CDH4: variants seen among roughly 807,000 people sequenced by gnomAD.
The protein encoded by CDH4 is cadherin 4, also known as cadherin-4.
Under a neutral mutation model 86.0 loss-of-function variants are expected in CDH4, and 33 were observed. The ratio of observed to expected loss-of-function variants is 0.38; its 90% CI spans 0.29 to 0.51. The LOEUF is 0.51. CDH4 is among the 20% of genes least tolerant of loss of function. CDH4 has a pLI of 0.86. For synonymous variants in CDH4, 555 were observed against 549.4 expected (o/e 1.01, Z -0.14); for missense variants, 1,114 against 1,307.4 (o/e 0.85, Z 2.28).
In CDH4 at chr20:61,582,637, GA is replaced by G. The variant is rs1298876226; in HGVS notation, c.170-160925del. Among the ~76,000 whole-genome samples, 1 of 152,168 alleles carries G rather than the reference GA, an allele frequency of 6.6e-6. No individual in the cohort carries two copies. Among genetic ancestry groups the G allele is most frequent in the Non-Finnish European group, 1.5e-5 (1 of 68,038 alleles). On this transcript the variant is annotated intron_variant, in intron 2 of 15. Transcript: ENST00000614565. The surrounding 1 kb of genome is among the most constrained non-coding windows in gnomAD (Gnocchi z 4.2). ...GTCCCCTGCAGGGCCTGGTGCGGTG[GA>G]GCCCAGGCAGTGCTCCCTGCACCTG...
At chr20:61,358,845 T>G (rs187603896) in intron 2 of CDH4, among the ~76,000 whole-genome samples, 2 of 152,148 alleles carry the variant, frequency 1.3e-5, no homozygotes, top group South Asian at 4.1e-4. Flanking sequence ...CGGAAACCGT[T>G]CCCTCTACAG....
chr20:61,587,434 A>G (rs1417064035), intron 2 of CDH4, among the ~76,000 whole-genome samples: 1 of 152,118 alleles, frequency 6.6e-6, no homozygotes, highest in African/African-American at 2.4e-5. Context: ...TTAGTTTCCA[A>G]ATCAGTTTGA....
At position 61,501,181 on chromosome 20, in the gene CDH4, C is replaced by G. The variant is rs977371946; in HGVS notation, c.170-242382C>G. 6.6e-6 allele frequency among the ~76,000 whole-genome samples: 1 copy of G among 152,196 alleles called. No individual in the cohort carries two copies. Among genetic ancestry groups the G allele is most frequent in the African/African-American group, 2.4e-5 (1 of 41,442 alleles). On this transcript the variant is annotated intron_variant, in intron 2 of 15. Coordinates refer to ENST00000614565, the MANE Select transcript of CDH4 (RefSeq NM_001794.5). This position sits in a 1 kb window ranked among gnomAD's most constrained non-coding sequence, Gnocchi z 4.2. Reference sequence around the variant, plus strand: ...TGCTCTGAGCTACAATAGACTCAGGCTGGGGGAGGTGGCGCTGCCATCCGC... The same window carrying G: ...TGCTCTGAGCTACAATAGACTCAGGGTGGGGGAGGTGGCGCTGCCATCCGC...
intron 2 of CDH4, among the ~76,000 whole-genome samples, chr20:61,598,590 C>G (rs1285233767): frequency 6.6e-6 from 1 of 152,188 alleles, no homozygotes; most frequent in South Asian, 2.1e-4. Context: ...TACCCCTTTC[C>G]AGAATCGCGT....
intron 2 of CDH4, among the ~76,000 whole-genome samples, chr20:61,621,136 G>A (rs937271102): frequency 3.9e-5 from 6 of 152,234 alleles, no homozygotes; most frequent in African/African-American, 1.4e-4. Context: ...TCAAAGGTGA[G>A]CATTGTGAAC....
chr20:61,266,960 C>T (rs555473225), intron 2 of CDH4, among the ~76,000 whole-genome samples: 2 of 152,264 alleles, frequency 1.3e-5, no homozygotes, highest in African/African-American at 4.8e-5. Flanking sequence ...ACTGTCTTGA[C>T]AAGAGACAGA....
At chr20:61,615,193 C>T (rs374525858) in intron 2 of CDH4, among the ~76,000 whole-genome samples, 2 of 151,928 alleles carry the variant, frequency 1.3e-5, no homozygotes, top group East Asian at 3.9e-4. Context: ...ATAATCTCAG[C>T]TCACTGCAGC....
chr20:61,274,924 G>GTA (rs2084218445), intron 2 of CDH4, among the ~76,000 whole-genome samples: 1 of 148,138 alleles, frequency 6.8e-6, no homozygotes, highest in Admixed American at 6.7e-5. Flanking sequence ...GGGGAGTACT[G>GTA]TGCACAGTTT....
At chr20:61,910,043 A>G (rs1293970586) in intron 8 of CDH4, among the ~76,000 whole-genome samples, 2 of 152,146 alleles carry the variant, frequency 1.3e-5, no homozygotes, top group Admixed American at 1.3e-4. Context: ...TGAGGCGTGC[A>G]CTCCCGTGCA....
chr20:61,439,613 C>A (rs2085304080), intron 2 of CDH4, among the ~76,000 whole-genome samples: 1 of 152,224 alleles, frequency 6.6e-6, no homozygotes, highest in Non-Finnish European at 1.5e-5. Flanking sequence ...CAAGAGTCCT[C>A]TGTGGAAACC....
rs146930068 is a variant in CDH4, at chr20:61,649,913, G to A, written c.170-93650G>A. 1.1e-3 allele frequency among the ~76,000 whole-genome samples: 171 copies of A among 152,282 alleles called. 2 individuals carry two copies. Among genetic ancestry groups the A allele is most frequent in the African/African-American group, 3.4e-3 (143 of 41,568 alleles). ...CCTCCAGGACGCTGAGCTATGGCCC[G>A]GCTCCAGGCATTGTGGCCTGGGATC... On this transcript the variant is annotated intron_variant, in intron 2 of 15. Coordinates refer to ENST00000614565, the MANE Select transcript of CDH4 (RefSeq NM_001794.5).
In CDH4 at chr20:61,517,253, C is replaced by T. The variant is rs558138441; in HGVS notation, c.170-226310C>T. ...TGTTGCCCAGGCTGGAAGGCAGTGG[C>T]GCAGTCACAACCCACGGCAGCCGCC... On this transcript the variant is annotated intron_variant, in intron 2 of 15. Coordinates refer to ENST00000614565, the MANE Select transcript of CDH4 (RefSeq NM_001794.5). This position sits in a 1 kb window ranked among gnomAD's most constrained non-coding sequence, Gnocchi z 6.6. Among the ~76,000 whole-genome samples the T allele has an allele frequency of 1.2e-4, 18 of 152,182 alleles. No homozygotes were observed. Among genetic ancestry groups the T allele is most frequent in the Non-Finnish European group, 2.2e-4 (15 of 68,030 alleles).
intron 2 of CDH4, among the ~76,000 whole-genome samples, chr20:61,678,044 A>G (rs772993079): frequency 3.9e-5 from 6 of 152,220 alleles, no homozygotes; most frequent in Non-Finnish European, 7.3e-5. Context: ...AGATAGATGG[A>G]TGATGGATGG....
intron 2 of CDH4, among the ~76,000 whole-genome samples, chr20:61,439,921 T>C (rs140848203): frequency 2.0e-4 from 30 of 152,336 alleles, no homozygotes; most frequent in Non-Finnish European, 3.4e-4. Context: ...CACTCCTAAA[T>C]TGAATTCCCA....
At chr20:61,688,038 C>T (rs752386832) in intron 2 of CDH4, among the ~76,000 whole-genome samples, 14 of 152,040 alleles carry the variant, frequency 9.2e-5, no homozygotes, top group Non-Finnish European at 1.5e-4. Flanking sequence ...AGATGAGCAA[C>T]CCTAGGCTGG....
intron 2 of CDH4, among the ~76,000 whole-genome samples, chr20:61,534,185 A>G (rs2085976713): frequency 6.6e-6 from 1 of 152,228 alleles, no homozygotes. Context: ...TGCATTATGT[A>G]AAATTCTATT....
intron 2 of CDH4, among the ~76,000 whole-genome samples, chr20:61,415,070 T>C (rs1195147124): frequency 6.6e-6 from 1 of 152,216 alleles, no homozygotes; most frequent in Non-Finnish European, 1.5e-5. Flanking sequence ...CCCACATTCG[T>C]CAAACTGCCA....
At chr20:61,532,814 G>A (rs1275433742) in intron 2 of CDH4, among the ~76,000 whole-genome samples, 6 of 152,126 alleles carry the variant, frequency 3.9e-5, no homozygotes, top group Non-Finnish European at 7.3e-5. Context: ...TCTGTGTCCC[G>A]TAACCAGTTC....
At chr20:61,645,153 C>A (rs1316770799) in intron 2 of CDH4, among the ~76,000 whole-genome samples, 1 of 152,238 alleles carries the variant, frequency 6.6e-6, no homozygotes, top group East Asian at 1.9e-4. Flanking sequence ...CAGATGCATT[C>A]TTTCCCTGTG....
Sources: allele counts gnomAD v4.1 joint callset (sites outside exome capture counted in the v4.1 genomes callset), GRCh38; gene constraint gnomAD v4.1.1; non-coding constraint Gnocchi (gnomAD v3.1); transcripts MANE v1.5; gene names NCBI Gene and HGNC (gene_info 2026-07-23, HGNC 2026-07-21).